Variants in FLNC observed in about 807,000 individuals in gnomAD.
FLNC encodes the protein filamin-C.
Under a neutral mutation model 254.3 loss-of-function variants are expected in FLNC, and 91 were observed. The ratio of observed to expected loss-of-function variants is 0.36; its 90% CI spans 0.30 to 0.43. The LOEUF (loss-of-function observed/expected upper bound fraction) is 0.43, where lower values mean the gene tolerates loss of function less well. Among genes scored for constraint, FLNC ranks in the 20% least tolerant of loss-of-function variants. The pLI is 1.00. For synonymous variants in FLNC, 1,430 were observed against 1,577.2 expected, an observed-to-expected ratio of 0.91 and a Z score of 2.21; for missense variants, 2,853 against 3,802.6, an observed-to-expected ratio of 0.75 and a Z score of 6.57.
rs746563597 is a variant in FLNC, at chr7:128,848,594, T to C, written c.4614T>C (p.Asp1538=). Residue 1538 remains aspartate, a synonymous_variant, in exon 27 of 48, where the codon GAT becomes GAC. Coordinates refer to ENST00000325888, the MANE Select transcript of FLNC (RefSeq NM_001458.5). ...AGATCAAGGTCCTCCCAGCTCATGATGCCAGCAAGGTGCGGGCCAGCGGCC... is the reference window on the plus strand; with the variant it reads ...AGATCAAGGTCCTCCCAGCTCATGACGCCAGCAAGGTGCGGGCCAGCGGCC... The part of the protein sequence containing the change: ...PFKIKVLPAH[D]ASKVRASGPG... 9 of 1,613,886 alleles carry C rather than the reference T, an allele frequency of 5.6e-6. No individual in the cohort carries two copies. The African/African-American group carries it at 1.1e-4, about 19-fold the overall frequency.
At position 128,854,129 on chromosome 7, in the gene FLNC, G is replaced by T; in HGVS notation, c.6640G>T (p.Gly2214Cys). The T allele has an allele frequency of 6.2e-7, 1 of 1,612,750 alleles. No homozygotes were observed. Among genetic ancestry groups the T allele is most frequent in the Non-Finnish European group, 8.5e-7 (1 of 1,179,866 alleles). ...EVRVEESTQV[G>C]GDPFPAVFGD... ...GCGGGTGGAGGAGTCCACCCAGGTCGGCGGGGACCCCTTCCCTGCTGTGTT... is the reference window on the plus strand; with the variant it reads ...GCGGGTGGAGGAGTCCACCCAGGTCTGCGGGGACCCCTTCCCTGCTGTGTT... Residue 2214 changes from glycine (G) to cysteine (C), a missense_variant, in exon 40 of 48, where the codon GGC becomes TGC. Gly to Cys is a radical substitution (Grantham distance 159). Coordinates refer to ENST00000325888, the MANE Select transcript of FLNC (RefSeq NM_001458.5).
rs1809117499 is a variant in FLNC at position 128,857,492 on chromosome 7, C to T, written c.7780+156C>T. On this transcript the variant is annotated intron_variant, in intron 46 of 47. Transcript: ENST00000325888. The surrounding 1 kb of genome is among the most constrained non-coding windows in gnomAD (Gnocchi z 4.5). ...GGCCTGGCTCTACACAGTACACGTT[C>T]TGTGGAGTCGGGCATGATCACGTAA... Among the ~76,000 whole-genome samples the T allele has an allele frequency of 6.6e-6, 1 of 151,084 alleles. No individual in the cohort carries two copies. Among genetic ancestry groups the T allele is most frequent in the African/African-American group, 2.5e-5 (1 of 40,478 alleles).
rs757582095 is a variant in FLNC at position 128,852,139 on chromosome 7, CA to C, written c.5843-451del. Reference sequence around the variant, plus strand: ...TCGGCCTCCCAAAGTGCTGGGATTACAGGTGTGAGCCACCACGCCCAGCATG... The same window carrying C: ...TCGGCCTCCCAAAGTGCTGGGATTACGGTGTGAGCCACCACGCCCAGCATG... On this transcript the variant is annotated intron_variant, in intron 35 of 47. Transcript: ENST00000325888. Among the ~76,000 whole-genome samples, 97 of 152,296 alleles carry C rather than the reference CA, an allele frequency of 6.4e-4. 1 individual carries two copies. The highest frequency in any genetic ancestry group is 5.3e-4 in the Non-Finnish European group (36 of 68,028).
rs575068215 is a variant in FLNC at position 128,848,976 on chromosome 7, G to A, written c.4921G>A (p.Val1641Ile). 4.4e-5 allele frequency: 71 copies of A among 1,611,272 alleles called. No individual in the cohort carries two copies. The highest frequency in any genetic ancestry group is 3.4e-4 in the Middle Eastern group (2 of 5,886). Residue 1641 changes from valine (V) to isoleucine (I), a missense_variant, in exon 28 of 48, where the codon GTC (valine) becomes ATC (isoleucine). By Grantham distance (29) the Val-to-Ile change is conservative (BLOSUM62 3). Transcript: ENST00000325888. ...CACTGGGGATGCCAGCAAGTGCCTCGTCACAGGTGGGTGCCCACCCGCTGC... is the reference window on the plus strand; with the variant it reads ...CACTGGGGATGCCAGCAAGTGCCTCATCACAGGTGGGTGCCCACCCGCTGC... ...LPTGDASKCLVTVSIGGHGLG... is the reference protein window; with the variant it reads ...LPTGDASKCLITVSIGGHGLG...
At chr7:128,834,311 G>C (rs1184042133) in intron 1 of FLNC, among the ~76,000 whole-genome samples, 19 of 125,510 alleles carry the variant, frequency 1.5e-4, no homozygotes, top group South Asian at 5.5e-4. Context: ...GGATCTAGGC[G>C]CCCCCCCCCC....
rs1274809025 is a variant in FLNC, at chr7:128,858,449, G to A, written c.8104G>A (p.Gly2702Arg). The change falls in exon 48 of 48, where the codon GGG becomes AGG. Residue 2702 changes from glycine (G) to arginine (R), a missense_variant. Transcript: ENST00000325888. The surrounding 1 kb of genome is among the most constrained non-coding windows in gnomAD (Gnocchi z 6.7). Reference protein sequence around the residue: ...YNVTYTVKEKGDYILIVKWGD... With the variant: ...YNVTYTVKEKRDYILIVKWGD... ...TGTCACCTACACTGTCAAGGAGAAA[G>A]GGGACTACATCCTCATTGTCAAGTG... 6.2e-7 allele frequency: 1 copy of A among 1,613,782 alleles called. No homozygotes were observed. Among genetic ancestry groups the A allele is most frequent in the Non-Finnish European group, 8.5e-7 (1 of 1,179,864 alleles).
chr7:128,845,998 C>T lies in FLNC; in HGVS notation c.3799C>T (p.Arg1267Trp), dbSNP rs371483562. ...GPGVEPHGVL[R>W]EVTTEFTVDA... ...CCACCCCTGGGCTCCAGGTGTCCTG[C>T]GGGAGGTGACCACTGAGTTCACTGT... Residue 1267 changes from arginine to tryptophan, a missense_variant, in exon 22 of 48, where the codon CGG becomes TGG. Coordinates refer to ENST00000325888, the MANE Select transcript of FLNC (RefSeq NM_001458.5). The T allele has an allele frequency of 5.2e-5, 84 of 1,613,554 alleles. No homozygotes were observed. Among genetic ancestry groups the T allele is most frequent in the Admixed American group, 1.0e-4 (6 of 60,002 alleles).
chr7:128,830,476 C>G lies in FLNC; in HGVS notation c.-162C>G. ...AGAGCGGCCGAGCGCCTAGGAGGCC[C>G]GCCGAGCCTCGCCGAGCCCCGCCAG... is the stretch of plus-strand genomic sequence containing the variant. On this transcript the variant is annotated 5_prime_UTR_variant, in exon 1 of 48. Coordinates refer to ENST00000325888, the MANE Select transcript of FLNC (RefSeq NM_001458.5). 1.6e-6 allele frequency: 1 copy of G among 643,200 alleles called. No homozygotes were observed. Among genetic ancestry groups the G allele is most frequent in the Non-Finnish European group, 2.7e-6 (1 of 372,672 alleles). 39.8% of individuals were successfully genotyped at this position (643,200 alleles called of 1,614,324 possible).
Position 128,838,654 on chromosome 7 carries a change from G to T in FLNC, c.1262G>T (p.Arg421Leu). 6.2e-7 allele frequency: 1 copy of T among 1,613,036 alleles called. No homozygotes were observed. The highest frequency in any genetic ancestry group is 1.1e-5 in the South Asian group (1 of 91,088). ...AVVIVDPQGR[R>L]DTVEVALEDK... ...GTGATCGTGGACCCACAGGGCCGGC[G>T]GGACACAGTGGAGGTGGCCCTGGAG... Residue 421 changes from arginine to leucine, a missense_variant, in exon 8 of 48, where the codon CGG (arginine) becomes CTG (leucine). Arg to Leu is a moderately radical substitution (Grantham distance 102). Transcript: ENST00000325888.
Position 128,843,403 on chromosome 7 carries a change from C to T in FLNC, c.2642-5C>T, listed in dbSNP as rs776786652. On this transcript the variant is annotated splice_region_variant and splice_polypyrimidine_tract_variant and intron_variant, in intron 17 of 47. Transcript: ENST00000325888. ...CCCTCACCACATCTCTGGGTGGGTC[C>T]TCAGGTGTGGAAGTCGGGAAGCCCA... 4 of 1,613,904 alleles carry T rather than the reference C, an allele frequency of 2.5e-6. No homozygotes were observed. Among genetic ancestry groups the T allele is most frequent in the Admixed American group, 1.7e-5 (1 of 60,000 alleles).
Position 128,840,003 on chromosome 7 carries a change from C to T in FLNC, c.1412-20C>T, listed in dbSNP as rs1201136661. On this transcript the variant is annotated intron_variant, in intron 8 of 47. Coordinates refer to ENST00000325888, the MANE Select transcript of FLNC (RefSeq NM_001458.5). The stretch of plus-strand genomic sequence containing the variant: ...CAAGGCCCCTCAGCACCCCCAACCT[C>T]CTTTCTCTTCCTCCCCTAGCCTGTA... 2 of 1,610,882 alleles carry T rather than the reference C, an allele frequency of 1.2e-6. No individual in the cohort carries two copies. The highest frequency in any genetic ancestry group is 1.3e-5 in the African/African-American group (1 of 75,060).
chr7:128,844,686 G>A lies in FLNC; in HGVS notation c.3221G>A (p.Gly1074Asp), dbSNP rs752440195. The change falls in exon 21 of 48, where the codon GGT becomes GAT. Residue 1074 changes from glycine to aspartate, a missense_variant. Coordinates refer to ENST00000325888, the MANE Select transcript of FLNC (RefSeq NM_001458.5). ...TGTGCTTATGGCCCGGGTCTCAAGG[G>A]TGGACTGGTAGGCACCCCCGCGCCA... The part of the protein sequence containing the change: ...KVCAYGPGLK[G>D]GLVGTPAPFS... The A allele has an allele frequency of 6.2e-7, 1 of 1,613,232 alleles. No individual in the cohort carries two copies. The highest frequency in any genetic ancestry group is 8.5e-7 in the Non-Finnish European group (1 of 1,180,018).
At position 128,850,163 on chromosome 7, in the gene FLNC, TG is replaced by T; in HGVS notation, c.5298+91del. The T allele has an allele frequency of 2.5e-6, 3 of 1,201,454 alleles. No homozygotes were observed. The South Asian group carries it at 3.9e-5, about 16-fold the overall frequency. The allele number at this position is 1,201,454 out of a possible 1,614,324, so 74.4% of individuals were successfully genotyped here. A position where few individuals can be genotyped will look rare whatever the true frequency, so the allele number is the denominator to read the frequency against. The stretch of plus-strand genomic sequence containing the variant: ...CTCCTCTGCAGCCAGGGCGGGGACA[TG>T]GTCTGGGGGCCTCTTGGGGAGCAGG... On this transcript the variant is annotated intron_variant, in intron 31 of 47. Coordinates refer to ENST00000325888, the MANE Select transcript of FLNC (RefSeq NM_001458.5).
Position 128,858,892 on chromosome 7 carries a change from T to G in FLNC, c.*369T>G. The G allele has an allele frequency of 3.0e-6, 1 of 327,950 alleles. No individual in the cohort carries two copies. The highest frequency in any genetic ancestry group is 5.8e-6 in the Non-Finnish European group (1 of 171,640). 20.3% of individuals were successfully genotyped at this position (327,950 alleles called of 1,614,324 possible). On this transcript the variant is annotated 3_prime_UTR_variant, in exon 48 of 48. Coordinates refer to ENST00000325888, the MANE Select transcript of FLNC (RefSeq NM_001458.5). This position sits in a 1 kb window ranked among gnomAD's most constrained non-coding sequence, Gnocchi z 6.7. ...GTGTTGTGGGTGTCTGTGTGTGAGGTCACCCTCAAACTGCACCGCCGGCCA... is the reference window on the plus strand; with the variant it reads ...GTGTTGTGGGTGTCTGTGTGTGAGGGCACCCTCAAACTGCACCGCCGGCCA...
In FLNC at chr7:128,836,397, G is replaced by A. The variant is rs1464393293; in HGVS notation, c.602-763G>A. On this transcript the variant is annotated intron_variant, in intron 2 of 47. Transcript: ENST00000325888. This position sits in a 1 kb window ranked among gnomAD's most constrained non-coding sequence, Gnocchi z 6.0. ...CTGAGCCATGGCCCATAACTGGTGTGGCTGCCAGCAGTGAGCTCAGCTGTT... is the reference window on the plus strand; with the variant it reads ...CTGAGCCATGGCCCATAACTGGTGTAGCTGCCAGCAGTGAGCTCAGCTGTT... 1.3e-5 allele frequency among the ~76,000 whole-genome samples: 2 copies of A among 152,210 alleles called. No individual in the cohort carries two copies. Among genetic ancestry groups the A allele is most frequent in the Non-Finnish European group, 2.9e-5 (2 of 68,040 alleles).
chr7:128,852,333 CAGG>C (rs940471641), intron 35 of FLNC, among the ~76,000 whole-genome samples: 2 of 152,214 alleles, frequency 1.3e-5, no homozygotes, highest in African/African-American at 4.8e-5. Flanking sequence ...GGTTAAAATG[CAGG>C]AGGTTTCCTT....
chr7:128,847,718 T>C lies in FLNC; in HGVS notation c.4310T>C (p.Val1437Ala), dbSNP rs754170282. 8.1e-6 allele frequency: 13 copies of C among 1,613,938 alleles called. No homozygotes were observed. The highest frequency in any genetic ancestry group is 1.3e-5 in the African/African-American group (1 of 74,924). Residue 1437 changes from valine to alanine, a missense_variant, in exon 25 of 48, where the codon GTG (valine) becomes GCG (alanine). Around this residue, in one of 10 missense-constraint regions of FLNC, gnomAD observed 1,573 missense variants for 1,883.5 expected, o/e 0.84. Transcript: ENST00000325888. ...ACAGGGAGCCCGTTCCGCGTGCCAG[T>C]GAAGGATGTGGTGGACCCTGGGAAG... is the stretch of plus-strand genomic sequence containing the variant. The part of the protein sequence containing the change: ...PIPGSPFRVP[V>A]KDVVDPGKVK...
intron 43 of FLNC, among the ~76,000 whole-genome samples, chr7:128,855,517 C>T (rs1226341913): frequency 6.6e-6 from 1 of 152,236 alleles, no homozygotes; most frequent in Non-Finnish European, 1.5e-5. Context: ...AGGCATGCCA[C>T]GCCTCGTTCT....
chr7:128,841,446 C>A lies in FLNC; in HGVS notation c.2008-8C>A, dbSNP rs762076489. The A allele has an allele frequency of 1.9e-6, 3 of 1,613,510 alleles. No homozygotes were observed. The African/African-American group carries it at 4.0e-5, about 22-fold the overall frequency. ...CCTCCCCAACTCAGCCTTCTTCCCT[C>A]CGCACAGGTGAAGGCCTTTGGGCCT... is the stretch of plus-strand genomic sequence containing the variant. On this transcript the variant is annotated splice_polypyrimidine_tract_variant and splice_region_variant and intron_variant, in intron 12 of 47. Transcript: ENST00000325888. This position sits in a 1 kb window ranked among gnomAD's most constrained non-coding sequence, Gnocchi z 4.3.
Sources: gnomAD v4.1 joint callset for allele counts (sites outside exome capture counted in the v4.1 genomes callset) on GRCh38, gnomAD v4.1.1 for gene constraint, gnomAD v4.1.1 regional missense constraint, Gnocchi (gnomAD v3.1) non-coding constraint, MANE v1.5 for transcripts, NCBI Gene and HGNC (gene_info 2026-07-23, HGNC 2026-07-21) for gene names.